CPNE5: variants seen among roughly 807,000 people sequenced by gnomAD.
CPNE5 encodes copine 5.
Under a neutral mutation model 81.1 loss-of-function variants are expected in CPNE5, and 42 were observed. The observed-to-expected ratio is 0.52, with a 90% CI of 0.40 to 0.67. The LOEUF is 0.67. CPNE5 is among the 30% of genes least tolerant of loss of function. The pLI is 0.00. For synonymous variants in CPNE5, 313 were observed against 321.5 expected, an observed-to-expected ratio of 0.97 and a Z score of 0.28; for missense variants, 612 against 815.5, an observed-to-expected ratio of 0.75 and a Z score of 3.04.
At chr6:36,808,379 G>A (rs1324050837) in intron 3 of CPNE5, among the ~76,000 whole-genome samples, 2 of 152,176 alleles carry the variant, frequency 1.3e-5, no homozygotes, top group African/African-American at 4.8e-5. Context: ...ACAGGCATGA[G>A]CCACTGTGCT....
Position 36,745,488 on chromosome 6 carries a change from A to G in CPNE5, c.1228T>C (p.Cys410Arg), listed in dbSNP as rs778567587. Residue 410 changes from cysteine to arginine, a missense_variant, in exon 17 of 21, where the codon TGT (cysteine) becomes CGT (arginine). Physicochemically the swap from Cys to Arg is radical, Grantham distance 180. Transcript: ENST00000244751. ...GCCTCCAGGATGCCGTCGATGCCAC[A>G]GCATGAGGGGTTCTCCTGGTTGCCA... ...LNGNQENPSC[C>R]GIDGILEAYH... is the part of the protein sequence containing the mutation. 5 of 1,598,882 alleles carry G rather than the reference A, an allele frequency of 3.1e-6. No homozygotes were observed. The highest frequency in any genetic ancestry group is 4.3e-6 in the Non-Finnish European group (5 of 1,173,104).
At position 36,839,385 on chromosome 6, in the gene CPNE5, C is replaced by G. The variant is rs183702303; in HGVS notation, c.-8G>C. 2.7e-5 allele frequency: 42 copies of G among 1,540,666 alleles called. No homozygotes were observed. In the Admixed American group the frequency reaches 8.1e-4, roughly 30 times the overall value. On this transcript the variant is annotated 5_prime_UTR_variant, in exon 1 of 21. Coordinates refer to ENST00000244751, the MANE Select transcript of CPNE5 (RefSeq NM_020939.2). This position sits in a 1 kb window ranked among gnomAD's most constrained non-coding sequence, Gnocchi z 7.3. ...GTCCTCAGGCTGCTCCATCGCCCAC[C>G]GCACCCCCCACCCCAAATTAGTCAA...
chr6:36,775,178 G>T (rs1336946126), intron 9 of CPNE5, 113 bp from the exon 10 acceptor site: 3 of 761,520 alleles, frequency 3.9e-6, no homozygotes, highest in African/African-American at 3.5e-5. Context: ...CGACGGAAAT[G>T]ATGGCTTCAA....
At chr6:36,813,033 G>A (rs183718333) in intron 3 of CPNE5, among the ~76,000 whole-genome samples, 1 of 152,346 alleles carries the variant, frequency 6.6e-6, no homozygotes, top group Admixed American at 6.5e-5. Flanking sequence ...CAGGCAGAGG[G>A]TTATTTCTTT....
chr6:36,743,823 A>G (rs777932325), intron 19 of CPNE5, 61 bp from the exon 20 acceptor site: 3 of 1,412,330 alleles, frequency 2.1e-6, no homozygotes, highest in Non-Finnish European at 3.0e-6. Context: ...TGGCCCTAGC[A>G]GGAGAGTGGA....
At chr6:36,760,686 G>A (rs1765936949) in intron 12 of CPNE5, among the ~76,000 whole-genome samples, 4 of 152,208 alleles carry the variant, frequency 2.6e-5, no homozygotes, top group Admixed American at 2.6e-4. Context: ...GAATATTTGA[G>A]ATGAAGCCGG....
At chr6:36,827,566 T>TTTG in intron 1 of CPNE5, 2 of 985,362 alleles carry the variant, frequency 2.0e-6, no homozygotes, top group Non-Finnish European at 2.4e-6. Context: ...TCTTAGGGCC[T>TTTG]CAGTTTCCCC....
intron 9 of CPNE5, among the ~76,000 whole-genome samples, chr6:36,778,427 A>G (rs1767739785): frequency 6.6e-6 from 1 of 152,314 alleles, no homozygotes; most frequent in African/African-American, 2.4e-5. Flanking sequence ...GCGGGGGGCC[A>G]GACTGGGGGC....
chr6:36,762,022 C>T (rs180807838), intron 12 of CPNE5, among the ~76,000 whole-genome samples: 43 of 152,166 alleles, frequency 2.8e-4, no homozygotes, highest in African/African-American at 9.9e-4. Flanking sequence ...GAGGCCAAGG[C>T]AGGAGGATCG....
intron 1 of CPNE5, among the ~76,000 whole-genome samples, chr6:36,838,982 A>G (rs763985340): frequency 4.7e-4 from 71 of 152,016 alleles, no homozygotes; most frequent in Admixed American, 1.5e-3. Context: ...ACAGCCTTTT[A>G]CCAACTCCCT....
At chr6:36,757,636 G>A (rs201174976) in intron 12 of CPNE5, among the ~76,000 whole-genome samples, 4,752 of 152,242 alleles carry the variant, frequency 0.031, 181 homozygotes, top group East Asian at 0.17. Context: ...CACCTATGTT[G>A]GAGAGAGAAG....
At chr6:36,799,900 T>C in intron 4 of CPNE5, 67 bp downstream of exon 4, 1 of 1,170,440 alleles carries the variant, frequency 8.5e-7, no homozygotes, top group Non-Finnish European at 1.3e-6. Flanking sequence ...ACCACAGGTC[T>C]GTGGTCCTAC....
At chr6:36,818,995 T>C (rs1043052163) in intron 3 of CPNE5, among the ~76,000 whole-genome samples, 19 of 152,386 alleles carry the variant, frequency 1.2e-4, no homozygotes, top group African/African-American at 3.8e-4. Flanking sequence ...GGCTAAATGT[T>C]TCCCTAGCAA....
At chr6:36,827,693 G>A (rs989755462) in intron 1 of CPNE5, 35 of 985,392 alleles carry the variant, frequency 3.6e-5, no homozygotes, top group Middle Eastern at 1.0e-3. Flanking sequence ...AGGCCCAGGG[G>A]CAATGAGTCA....
At chr6:36,769,069 T>A (rs1766832935) in intron 10 of CPNE5, among the ~76,000 whole-genome samples, 1 of 152,224 alleles carries the variant, frequency 6.6e-6, no homozygotes, top group Non-Finnish European at 1.5e-5. Flanking sequence ...ACAATTCCCA[T>A]GCTTCTTGAA....
At chr6:36,748,339 C>T (rs1764418514) in intron 14 of CPNE5, 72 bp from the exon 15 acceptor site, 1 of 1,346,064 alleles carries the variant, frequency 7.4e-7, no homozygotes. Flanking sequence ...CAGTGCTAGA[C>T]ATTGGCTACC....
chr6:36,797,742 C>T (rs899380671), intron 6 of CPNE5, among the ~76,000 whole-genome samples: 50 of 152,194 alleles, frequency 3.3e-4, no homozygotes, highest in African/African-American at 1.1e-3. Context: ...CAGCTCTGGC[C>T]TACAAGCTGT....
At chr6:36,818,631 C>T (rs236385) in intron 3 of CPNE5, among the ~76,000 whole-genome samples, 88,698 of 152,078 alleles carry the variant, frequency 0.58, 26,656 homozygotes, top group African/African-American at 0.72. Flanking sequence ...TACCCTCAGA[C>T]GCCAGATGTG....
chr6:36,789,780 T>C (rs1487101211), intron 8 of CPNE5, among the ~76,000 whole-genome samples: 4 of 152,158 alleles, frequency 2.6e-5, no homozygotes, highest in Admixed American at 2.6e-4. Flanking sequence ...TTCAGTCACA[T>C]ATTCGTGATG....
Sources: gnomAD v4.1 joint callset for allele counts (sites outside exome capture counted in the v4.1 genomes callset) on GRCh38, gnomAD v4.1.1 for gene constraint, Gnocchi (gnomAD v3.1) non-coding constraint, MANE v1.5 for transcripts, NCBI Gene and HGNC (gene_info 2026-07-23, HGNC 2026-07-21) for gene names.